The following ERBB4 variants were observed in gnomAD, a reference collection of about 807,000 sequenced individuals.
ERBB4 encodes receptor tyrosine-protein kinase erbB-4.
Under a neutral mutation model 158.0 loss-of-function variants are expected in ERBB4, and 42 were observed. The ratio of observed to expected loss-of-function variants is 0.27; its 90% CI spans 0.21 to 0.34. The LOEUF (loss-of-function observed/expected upper bound fraction) is 0.34. Ranked by LOEUF, ERBB4 falls within the 10% of genes least tolerant of loss-of-function variation. ERBB4 has a pLI of 1.00. For missense variants in ERBB4, 1,333 were observed against 1,624.1 expected (o/e 0.82, Z 3.08); for synonymous variants, 583 against 558.7 (o/e 1.04, Z -0.61).
chr2:211,616,186 C>G (rs11679285), intron 19 of ERBB4, among the ~76,000 whole-genome samples: 1 of 152,204 alleles, frequency 6.6e-6, no homozygotes, highest in African/African-American at 2.4e-5. Flanking sequence ...CCCAGCAGCT[C>G]TACACCCTCA....
At chr2:211,699,047 C>T (rs1356240796) in intron 12 of ERBB4, among the ~76,000 whole-genome samples, 1 of 152,162 alleles carries the variant, frequency 6.6e-6, no homozygotes, top group Non-Finnish European at 1.5e-5. Flanking sequence ...ATCGTCATTA[C>T]TGTTTTAAAT....
intron 1 of ERBB4, among the ~76,000 whole-genome samples, chr2:212,404,534 A>G (rs2091292710): frequency 6.6e-6 from 1 of 152,120 alleles, no homozygotes; most frequent in Admixed American, 6.6e-5. Context: ...ACAGATAATA[A>G]GTTTTTAAAA....
At chr2:212,441,121 C>T (rs1298110497) in intron 1 of ERBB4, among the ~76,000 whole-genome samples, 1 of 152,186 alleles carries the variant, frequency 6.6e-6, no homozygotes, top group Admixed American at 6.5e-5. Context: ...GAATGAGACC[C>T]TGCATCTCGG....
At chr2:211,722,016 C>T (rs1277158823) in intron 7 of ERBB4, among the ~76,000 whole-genome samples, 2 of 152,112 alleles carry the variant, frequency 1.3e-5, no homozygotes, top group Non-Finnish European at 2.9e-5. Context: ...GCGCCCGCCA[C>T]CACGCCTGGC....
chr2:211,501,179 A>G lies in ERBB4; in HGVS notation c.2487+60724T>C, dbSNP rs114962306. ...TAAAAAGGAGTTTATTAAAAAGCAAACTTCCCTCACAGAAGAAAGATTTAT... is the reference window on the plus strand; with the variant it reads ...TAAAAAGGAGTTTATTAAAAAGCAAGCTTCCCTCACAGAAGAAAGATTTAT... On this transcript the variant is annotated intron_variant, in intron 20 of 27. Transcript: ENST00000342788. Among the ~76,000 whole-genome samples the G allele has an allele frequency of 5.4e-3, 814 of 152,090 alleles. 12 individuals carry two copies. The highest frequency in any genetic ancestry group is 0.019 in the African/African-American group (774 of 41,568).
intron 16 of ERBB4, among the ~76,000 whole-genome samples, chr2:211,649,908 A>C (rs918969990): frequency 5.9e-5 from 9 of 151,984 alleles, no homozygotes; most frequent in African/African-American, 2.2e-4. Flanking sequence ...AATTTTGTTG[A>C]TAAATCAAAG....
chr2:212,513,705 G>C (rs755551626), intron 1 of ERBB4, among the ~76,000 whole-genome samples: 1 of 152,130 alleles, frequency 6.6e-6, no homozygotes, highest in South Asian at 2.1e-4. Context: ...CAGCTACTCC[G>C]GGAGGCTGAG....
chr2:211,878,670 T>TTTC lies in ERBB4; in HGVS notation c.421+68759_421+68760insGAA, dbSNP rs1553653644. ...AAATTAAGTTTTGTTTTTTTTTTTT[T>TTTC]CCTTGAGATGGAGTTTCCCTCTTGT... On this transcript the variant is annotated intron_variant, in intron 3 of 27. Transcript: ENST00000342788. Among the ~76,000 whole-genome samples, 12 of 150,120 alleles carry TTTC rather than the reference T, an allele frequency of 8.0e-5. No individual in the cohort carries two copies. The South Asian group carries it at 2.5e-3, about 31-fold the overall frequency.
chr2:212,045,335 G>A (rs10192934), intron 2 of ERBB4, among the ~76,000 whole-genome samples: 88,085 of 151,938 alleles, frequency 0.58, 29,122 homozygotes, highest in East Asian at 0.93. Context: ...GTGCACATCT[G>A]TAGTCCCAGC....
chr2:211,776,175 A>T (rs2075870150), intron 4 of ERBB4, among the ~76,000 whole-genome samples: 1 of 152,164 alleles, frequency 6.6e-6, no homozygotes, highest in Non-Finnish European at 1.5e-5. Flanking sequence ...GCCACTTTGT[A>T]GTACATTTGA....
chr2:211,704,971 A>G (rs1023139017), intron 10 of ERBB4, among the ~76,000 whole-genome samples: 1 of 151,890 alleles, frequency 6.6e-6, no homozygotes, highest in African/African-American at 2.4e-5. Flanking sequence ...TTTTGTTGTT[A>G]TTTTGAAATG....
At position 212,148,608 on chromosome 2, in the gene ERBB4, G is replaced by T. The variant is rs528527339; in HGVS notation, c.83-23705C>A. Among the ~76,000 whole-genome samples, 221 of 152,146 alleles carry T rather than the reference G, an allele frequency of 1.5e-3. 2 individuals carry two copies. The highest frequency in any genetic ancestry group is 5.1e-3 in the African/African-American group (210 of 41,506). ...GAAAGACATGGTTGGTTTCCTGAAA[G>T]ACTTAATACATCAAAGATACCACAG... On this transcript the variant is annotated intron_variant, in intron 1 of 27. Transcript: ENST00000342788.
intron 3 of ERBB4, among the ~76,000 whole-genome samples, chr2:211,795,926 T>C (rs2076373677): frequency 6.6e-6 from 1 of 151,938 alleles, no homozygotes; most frequent in African/African-American, 2.4e-5. Context: ...CAGTCTCTGT[T>C]ATAGTGACTC....
intron 4 of ERBB4, among the ~76,000 whole-genome samples, chr2:211,775,403 T>G (rs563866294): frequency 6.6e-6 from 1 of 152,360 alleles, no homozygotes; most frequent in East Asian, 1.9e-4. Flanking sequence ...TTTCCCTTAC[T>G]GTACTATGTC....
rs1419490945 is a variant in ERBB4 at position 211,383,356 on chromosome 2, T to A, written c.*259A>T. On this transcript the variant is annotated 3_prime_UTR_variant, in exon 28 of 28. Transcript: ENST00000342788. The stretch of plus-strand genomic sequence containing the variant: ...GCATTGCCTTACATTTTCTGGTCCT[T>A]CTCTAGCTGTTTCATTCTCCTGACC... 4.3e-6 allele frequency: 2 copies of A among 469,536 alleles called. No homozygotes were observed. The highest frequency in any genetic ancestry group is 1.9e-5 in the African/African-American group (1 of 51,548). The allele number at this position is 469,536 out of a possible 1,614,324, so 29.1% of individuals were successfully genotyped here.
At chr2:211,635,639 T>A (rs1404226211) in intron 16 of ERBB4, among the ~76,000 whole-genome samples, 2 of 152,118 alleles carry the variant, frequency 1.3e-5, no homozygotes, top group African/African-American at 4.8e-5. Flanking sequence ...TAATTCATGA[T>A]TAAAACTCAA....
At chr2:211,699,391 A>G (rs2073149219) in intron 12 of ERBB4, among the ~76,000 whole-genome samples, 1 of 152,188 alleles carries the variant, frequency 6.6e-6, no homozygotes, top group Non-Finnish European at 1.5e-5. Flanking sequence ...TTTAAAATGA[A>G]GCAAGCATTT....
At chr2:211,662,038 C>CAAAAAAAAAAA (rs61318918) in intron 15 of ERBB4, among the ~76,000 whole-genome samples, 9 of 39,710 alleles carry the variant, frequency 2.3e-4, no homozygotes, top group Admixed American at 5.4e-4. Flanking sequence ...GACTCCGTCT[C>CAAAAAAAAAAA]AAAAAAAAAA....
At chr2:211,854,413 G>A (rs893377997) in intron 3 of ERBB4, among the ~76,000 whole-genome samples, 3 of 152,172 alleles carry the variant, frequency 2.0e-5, no homozygotes, top group South Asian at 2.1e-4. Flanking sequence ...CAAAACACTC[G>A]TGTAGTCACC....
Sources: gnomAD v4.1 joint callset for allele counts (sites outside exome capture counted in the v4.1 genomes callset) on GRCh38, gnomAD v4.1.1 for gene constraint, MANE v1.5 for transcripts, NCBI Gene and HGNC (gene_info 2026-07-23, HGNC 2026-07-21) for gene names.